Variants in PCDHGA2 observed in about 807,000 individuals in gnomAD.
The protein encoded by PCDHGA2 is protocadherin gamma subfamily A, 2, also known as protocadherin gamma-A2.
Under a neutral mutation model 59.2 loss-of-function variants are expected in PCDHGA2, and 40 were observed. The ratio of observed to expected loss-of-function variants is 0.68; its 90% CI spans 0.52 to 0.88. PCDHGA2 has a LOEUF of 0.88. PCDHGA2 is among the 40% of genes least tolerant of loss of function. The pLI is 0.00. For missense variants in PCDHGA2, 1,226 were observed against 1,204.0 expected (o/e 1.02, Z -0.27); for synonymous variants, 560 against 526.0 (o/e 1.06, Z -0.89).
chr5:141,345,099 G>T (rs541638352), intron 1 of PCDHGA2: 1 of 1,614,002 alleles, frequency 6.2e-7, no homozygotes, highest in African/African-American at 1.3e-5. Context: ...CACAAGCTCA[G>T]TCCCAGAAGA....
intron 1 of PCDHGA2, chr5:141,375,628 C>T (rs1771676563): frequency 1.4e-5 from 23 of 1,614,200 alleles, no homozygotes; most frequent in Non-Finnish European, 1.8e-5. Flanking sequence ...GGATTCTGTA[C>T]GCCCTGCGCT....
intron 1 of PCDHGA2, among the ~76,000 whole-genome samples, chr5:141,458,809 T>G (rs2098953834): frequency 6.6e-6 from 1 of 152,190 alleles, no homozygotes; most frequent in Non-Finnish European, 1.5e-5. Flanking sequence ...CTCAGCTCAC[T>G]GCAACCTCTG....
intron 1 of PCDHGA2, chr5:141,374,909 G>A (rs1357561534): frequency 6.2e-7 from 1 of 1,613,824 alleles, no homozygotes; most frequent in East Asian, 2.2e-5. Flanking sequence ...AGTCCACGGG[G>A]AAGTAACTTA....
chr5:141,392,614 C>T (rs1000219739), intron 1 of PCDHGA2: 3 of 532,708 alleles, frequency 5.6e-6, no homozygotes, highest in African/African-American at 1.9e-5. Flanking sequence ...ACAAATGCAA[C>T]CGAAAACACT....
At chr5:141,390,164 G>C in intron 1 of PCDHGA2, 1 of 1,614,006 alleles carries the variant, frequency 6.2e-7, no homozygotes, top group Non-Finnish European at 8.5e-7. Context: ...CAGGAAAGAC[G>C]GAGTTTAATT....
rs574905149 is a variant in PCDHGA2 at position 141,400,501 on chromosome 5, G to C, written c.2424+59106G>C. 1 of 1,613,878 alleles carries C rather than the reference G, an allele frequency of 6.2e-7. No homozygotes were observed. The highest frequency in any genetic ancestry group is 1.7e-5 in the Admixed American group (1 of 60,012). On this transcript the variant is annotated intron_variant, in intron 1 of 3. Transcript: ENST00000394576. ...CTTATTTCCACTTTGTAATTCCAGC[G>C]AGTCGACTTCCCATCCTGAGTTGGT...
rs761347005 is a variant in PCDHGA2, at chr5:141,417,873, G to A, written c.2424+76478G>A. On this transcript the variant is annotated intron_variant, in intron 1 of 3. Coordinates refer to ENST00000394576, the MANE Select transcript of PCDHGA2 (RefSeq NM_018915.4). The stretch of plus-strand genomic sequence containing the variant: ...CCCGAGCGAACGATGGGAGGGAGCT[G>A]CGCGCAGAGGCGCCGGGCCGGCCCG... 4.2e-5 allele frequency: 65 copies of A among 1,555,230 alleles called. 2 individuals are homozygous for A. The Middle Eastern group carries it at 6.4e-3, about 152-fold the overall frequency.
intron 1 of PCDHGA2, chr5:141,471,430 G>A (rs2099257545): frequency 6.6e-6 from 1 of 152,140 alleles, no homozygotes; most frequent in South Asian, 2.1e-4. Flanking sequence ...CAAGGAAAGT[G>A]TATAATCTCA....
At position 141,490,490 on chromosome 5, in the gene PCDHGA2, C is replaced by T; in HGVS notation, c.2425-4317C>T. 1 of 1,614,184 alleles carries T rather than the reference C, an allele frequency of 6.2e-7. No homozygotes were observed. The highest frequency in any genetic ancestry group is 8.5e-7 in the Non-Finnish European group (1 of 1,180,028). The stretch of plus-strand genomic sequence containing the variant: ...AGCCAGCCTTTGGACCGGGAGGCCA[C>T]ATCCCACTATATCATCGAGCTGCTG... On this transcript the variant is annotated intron_variant, in intron 1 of 3. Coordinates refer to ENST00000394576, the MANE Select transcript of PCDHGA2 (RefSeq NM_018915.4). The surrounding 1 kb of genome is among the most constrained non-coding windows in gnomAD (Gnocchi z 5.4).
rs369206085 is a variant in PCDHGA2 at position 141,490,515 on chromosome 5, G to A, written c.2425-4292G>A. On this transcript the variant is annotated intron_variant, in intron 1 of 3. Transcript: ENST00000394576. The surrounding 1 kb of genome is among the most constrained non-coding windows in gnomAD (Gnocchi z 5.4). ...CATCCCACTATATCATCGAGCTGCT[G>A]GCCAGCGATGCTGGTTCACCTTCCC... The A allele has an allele frequency of 2.3e-5, 37 of 1,613,840 alleles. No individual in the cohort carries two copies. In the Middle Eastern group the frequency reaches 1.2e-3, roughly 50 times the overall value.
At chr5:141,388,274 G>A (rs1340999969) in intron 1 of PCDHGA2, 1 of 1,590,544 alleles carries the variant, frequency 6.3e-7, no homozygotes, top group African/African-American at 1.5e-5. Context: ...ATGACCACAC[G>A]CCAAAATTCA....
rs978049964 is a variant in PCDHGA2 at position 141,376,740 on chromosome 5, G to A, written c.2424+35345G>A. On this transcript the variant is annotated intron_variant, in intron 1 of 3. Coordinates refer to ENST00000394576, the MANE Select transcript of PCDHGA2 (RefSeq NM_018915.4). ...TGTCGCCCAGGCCGGACTGCGGACT[G>A]CAGTGGCGCAATCTCGGCTCACTGC... is the stretch of plus-strand genomic sequence containing the variant. 6 of 494,230 alleles carry A rather than the reference G, an allele frequency of 1.2e-5. No homozygotes were observed. In the Admixed American group the frequency reaches 1.2e-4, roughly 10 times the overall value. The allele number at this position is 494,230 out of a possible 1,614,324, so 30.6% of individuals were successfully genotyped here.
At chr5:141,383,574 C>CG in intron 1 of PCDHGA2, 1 of 1,613,366 alleles carries the variant, frequency 6.2e-7, no homozygotes, top group African/African-American at 1.3e-5. Flanking sequence ...GATCCAGCAC[C>CG]GCCCACATCC....
intron 1 of PCDHGA2, chr5:141,372,267 G>A (rs763070594): frequency 6.2e-7 from 1 of 1,613,174 alleles, no homozygotes; most frequent in Non-Finnish European, 8.5e-7. Flanking sequence ...GCGCACGGGT[G>A]AGGTGCGCAC....
At position 141,487,074 on chromosome 5, in the gene PCDHGA2, T is replaced by C; in HGVS notation, c.2425-7733T>C. The C allele has an allele frequency of 6.2e-7, 1 of 1,614,104 alleles. No homozygotes were observed. The highest frequency in any genetic ancestry group is 8.5e-7 in the Non-Finnish European group (1 of 1,179,978). Reference sequence around the variant, plus strand: ...GGGGAGGTGCGGACGGCTGTTCCTATCCCAGCTGACCTCCCACCACAGAAG... The same window carrying C: ...GGGGAGGTGCGGACGGCTGTTCCTACCCCAGCTGACCTCCCACCACAGAAG... On this transcript the variant is annotated intron_variant, in intron 1 of 3. Transcript: ENST00000394576. The surrounding 1 kb of genome is among the most constrained non-coding windows in gnomAD (Gnocchi z 5.0).
chr5:141,452,848 G>A (rs1425590240), intron 1 of PCDHGA2, among the ~76,000 whole-genome samples: 9 of 152,128 alleles, frequency 5.9e-5, no homozygotes, highest in Non-Finnish European at 1.0e-4. Flanking sequence ...CCCACACTCT[G>A]GGGAGATGAT....
At chr5:141,363,943 T>C (rs1763121140) in intron 1 of PCDHGA2, among the ~76,000 whole-genome samples, 1 of 152,216 alleles carries the variant, frequency 6.6e-6, no homozygotes, top group African/African-American at 2.4e-5. Context: ...AATAATCATA[T>C]TGATCTCAGG....
rs200931939 is a variant in PCDHGA2, at chr5:141,423,096, C to T, written c.2425-71711C>T. On this transcript the variant is annotated intron_variant, in intron 1 of 3. Transcript: ENST00000394576. Reference sequence around the variant, plus strand: ...CGGGACTCTTCGCGGTGGGGGAGCACACGGGCGAGGTGCGTACAGCGCGGG... The same window carrying T: ...CGGGACTCTTCGCGGTGGGGGAGCATACGGGCGAGGTGCGTACAGCGCGGG... The T allele has an allele frequency of 3.8e-5, 61 of 1,613,974 alleles. No individual in the cohort carries two copies. In the East Asian group the frequency reaches 1.3e-3, roughly 35 times the overall value.
intron 1 of PCDHGA2, among the ~76,000 whole-genome samples, chr5:141,407,218 G>A (rs1056826116): frequency 1.3e-5 from 2 of 152,108 alleles, no homozygotes; most frequent in Admixed American, 6.5e-5. Flanking sequence ...CCTTAAGTGG[G>A]TAGCAAAAAA....
Sources: gnomAD v4.1 joint callset for allele counts (sites outside exome capture counted in the v4.1 genomes callset) on GRCh38, gnomAD v4.1.1 for gene constraint, Gnocchi (gnomAD v3.1) non-coding constraint, MANE v1.5 for transcripts, NCBI Gene and HGNC (gene_info 2026-07-23, HGNC 2026-07-21) for gene names.